Variants in FDFT1 observed in about 807,000 individuals in gnomAD.
FDFT1 encodes squalene synthase.
Under a neutral mutation model 46.8 loss-of-function variants are expected in FDFT1, and 68 were observed. The ratio of observed to expected loss-of-function variants is 1.45; its 90% CI spans 1.19 to 1.78. FDFT1 has a LOEUF of 1.78. Ranked by LOEUF, FDFT1 falls within the 40% of genes most tolerant of loss-of-function variation. FDFT1 has a pLI of 0.00. For missense variants in FDFT1, 928 were observed against 524.4 expected, an observed-to-expected ratio of 1.77 and a Z score of -7.52; for synonymous variants, 351 against 185.1, an observed-to-expected ratio of 1.90 and a Z score of -7.28.
At chr8:11,831,480 C>T (rs1313416914) in intron 6 of FDFT1, 38 bp from the exon 7 acceptor site, 3 of 1,594,274 alleles carry the variant, frequency 1.9e-6, no homozygotes, top group East Asian at 2.3e-5. Flanking sequence ...CTAACGACAT[C>T]ATTTCTTCTT....
At chr8:11,803,272 AC>A in intron 1 of FDFT1, 1 of 1,337,342 alleles carries the variant, frequency 7.5e-7, no homozygotes, top group South Asian at 1.2e-5. Flanking sequence ...TGGGTGGGTT[AC>A]GCGGGAGAGG....
At chr8:11,797,406 C>A (rs1041542441), upstream of FDFT1, among the ~76,000 whole-genome samples, 1 of 152,186 alleles carries the variant, frequency 6.6e-6, no homozygotes, top group Non-Finnish European at 1.5e-5. Flanking sequence ...CATCACATAA[C>A]ATGTCTGTTT....
At chr8:11,800,660 G>C (rs963495836), upstream of FDFT1, among the ~76,000 whole-genome samples, 1 of 152,182 alleles carries the variant, frequency 6.6e-6, no homozygotes, top group African/African-American at 2.4e-5. Context: ...CAAATATTTA[G>C]GCTAAATTGT....
intron 3 of FDFT1, among the ~76,000 whole-genome samples, chr8:11,816,244 A>G (rs1050637370): frequency 1.3e-4 from 20 of 152,222 alleles, no homozygotes; most frequent in Admixed American, 1.3e-3. Context: ...TTTTGGTACC[A>G]GTACCATGCT....
At chr8:11,806,329 G>C (rs979704430) in intron 1 of FDFT1, among the ~76,000 whole-genome samples, 12 of 152,168 alleles carry the variant, frequency 7.9e-5, no homozygotes, top group African/African-American at 2.9e-4. Flanking sequence ...TGGGAATCAA[G>C]CAGTAGAAAT....
intron 4 of FDFT1, among the ~76,000 whole-genome samples, chr8:11,822,916 T>A (rs577970872): frequency 1.1e-4 from 16 of 152,298 alleles, no homozygotes; most frequent in African/African-American, 3.4e-4. Context: ...GAAACTTAAT[T>A]TTAGGTTGTT....
chr8:11,828,152 G>A (rs186230786), intron 5 of FDFT1, among the ~76,000 whole-genome samples: 4 of 152,140 alleles, frequency 2.6e-5, no homozygotes, highest in East Asian at 1.9e-4. Context: ...GCTGGGTATA[G>A]TGGCACACCC....
intron 3 of FDFT1, among the ~76,000 whole-genome samples, chr8:11,820,303 C>A (rs998056264): frequency 6.6e-6 from 1 of 152,176 alleles, no homozygotes; most frequent in Non-Finnish European, 1.5e-5. Flanking sequence ...ACATGGGGCT[C>A]AGGGACCCAC....
At chr8:11,823,575 A>T (rs1809550914) in intron 4 of FDFT1, among the ~76,000 whole-genome samples, 1 of 151,714 alleles carries the variant, frequency 6.6e-6, no homozygotes, top group South Asian at 2.1e-4. Flanking sequence ...TTTCAGTCAG[A>T]GACGACTTTT....
rs762412283 is a variant in FDFT1, at chr8:11,826,095, C to A, written c.582C>A (p.Asp194Glu). The part of the protein sequence containing the change: ...SRLFSASEFE[D>E]PLVGEDTERA... Reference sequence around the variant, plus strand: ...TTTTCTCAGCCTCAGAGTTTGAAGACCCCTTAGTTGGTGAAGATACAGAAC... The same window carrying A: ...TTTTCTCAGCCTCAGAGTTTGAAGAACCCTTAGTTGGTGAAGATACAGAAC... The change falls in exon 5 of 8, where the codon GAC becomes GAA. Residue 194 changes from aspartate (D) to glutamate (E), a missense_variant. Transcript: ENST00000220584. The A allele has an allele frequency of 6.2e-7, 1 of 1,610,902 alleles. No homozygotes were observed. Among genetic ancestry groups the A allele is most frequent in the Non-Finnish European group, 8.5e-7 (1 of 1,177,592 alleles).
intron 3 of FDFT1, among the ~76,000 whole-genome samples, chr8:11,818,346 G>C (rs1432944789): frequency 1.3e-5 from 2 of 152,190 alleles, no homozygotes; most frequent in African/African-American, 2.4e-5. Context: ...TGTTGATTTG[G>C]GGTGGAGAGT....
chr8:11,818,651 A>C (rs986884204), intron 3 of FDFT1, among the ~76,000 whole-genome samples: 5 of 151,958 alleles, frequency 3.3e-5, no homozygotes, highest in African/African-American at 1.2e-4. Flanking sequence ...TAGTTGGTTT[A>C]AAGTCTGTTT....
intron 1 of FDFT1, among the ~76,000 whole-genome samples, chr8:11,807,730 G>T (rs1233194961): frequency 6.6e-6 from 1 of 152,230 alleles, no homozygotes; most frequent in African/African-American, 2.4e-5. Flanking sequence ...GCGCTGCATT[G>T]CATTAATTTC....
chr8:11,797,048 C>T (rs1414369398), intron 1 of FDFT1, among the ~76,000 whole-genome samples: 6 of 152,284 alleles, frequency 3.9e-5, no homozygotes, highest in South Asian at 2.1e-4. Context: ...GTAGTAACTT[C>T]TGGGTTGTTG....
intron 5 of FDFT1, among the ~76,000 whole-genome samples, chr8:11,829,788 G>A (rs184107790): frequency 6.6e-6 from 1 of 151,972 alleles, no homozygotes; most frequent in East Asian, 1.9e-4. Context: ...CTTGATCTTC[G>A]TGAAAGATGA....
intron 4 of FDFT1, among the ~76,000 whole-genome samples, 185 bp downstream of exon 4, chr8:11,822,063 A>G (rs1809328578): frequency 6.6e-6 from 1 of 152,202 alleles, no homozygotes; most frequent in African/African-American, 2.4e-5. Context: ...ACCAGCAGCT[A>G]TGTAGGATAT....
chr8:11,832,744 T>A (rs1191696359), intron 7 of FDFT1, among the ~76,000 whole-genome samples: 1 of 151,788 alleles, frequency 6.6e-6, no homozygotes, highest in Non-Finnish European at 1.5e-5. Context: ...TGGCATCTGG[T>A]GAGTAGAGGC....
chr8:11,813,531 C>T (rs189783869), intron 3 of FDFT1, among the ~76,000 whole-genome samples: 30 of 152,246 alleles, frequency 2.0e-4, no homozygotes, highest in Non-Finnish European at 3.2e-4. Context: ...TAGGATTACC[C>T]GTGAAGTTAA....
chr8:11,811,098 G>C (rs766984220), intron 3 of FDFT1, among the ~76,000 whole-genome samples: 1 of 152,176 alleles, frequency 6.6e-6, no homozygotes, highest in East Asian at 1.9e-4. Context: ...AGTTTATACA[G>C]TACAATTCAA....
Sources: allele counts gnomAD v4.1 joint callset (sites outside exome capture counted in the v4.1 genomes callset), GRCh38; gene constraint gnomAD v4.1.1; transcripts MANE v1.5; gene names NCBI Gene and HGNC (gene_info 2026-07-23, HGNC 2026-07-21).